ASXL3: variants seen among roughly 807,000 people sequenced by gnomAD.
ASXL3 encodes putative Polycomb group protein ASXL3.
Under a neutral mutation model 170.6 loss-of-function variants are expected in ASXL3, and 34 were observed. The ratio of observed to expected loss-of-function variants is 0.20; its 90% CI spans 0.15 to 0.27. ASXL3 has a LOEUF of 0.27. Ranked by LOEUF, ASXL3 falls within the 10% of genes least tolerant of loss-of-function variation. The pLI, the probability that ASXL3 is intolerant of heterozygous loss-of-function variation, is 1.00. For synonymous variants in ASXL3, 1,002 were observed against 989.1 expected (o/e 1.01, Z -0.24); for missense variants, 2,592 against 2,695.3 (o/e 0.96, Z 0.85).
chr18:33,701,771 A>C (rs945315253), intron 8 of ASXL3, among the ~76,000 whole-genome samples: 3 of 152,078 alleles, frequency 2.0e-5, no homozygotes, highest in African/African-American at 7.2e-5. Context: ...GCTGTTTTTC[A>C]TCAAATATAG....
intron 2 of ASXL3, among the ~76,000 whole-genome samples, chr18:33,622,266 A>G (rs2065527299): frequency 6.6e-6 from 1 of 152,314 alleles, no homozygotes; most frequent in Admixed American, 6.5e-5. Context: ...TGTCTTATTC[A>G]TCACATACAA....
intron 4 of ASXL3, among the ~76,000 whole-genome samples, chr18:33,655,229 C>A (rs1223703665): frequency 6.6e-6 from 1 of 151,946 alleles, no homozygotes; most frequent in Non-Finnish European, 1.5e-5. Flanking sequence ...ATTCAACATT[C>A]CTCTTGGTTT....
At chr18:33,714,006 A>G (rs1285044528) in intron 8 of ASXL3, among the ~76,000 whole-genome samples, 1 of 152,134 alleles carries the variant, frequency 6.6e-6, no homozygotes, top group East Asian at 1.9e-4. Context: ...AGTCATTTGT[A>G]TGGCATAAGA....
intron 2 of ASXL3, chr18:33,641,718 A>G (rs2065849525): frequency 6.6e-6 from 1 of 152,430 alleles, no homozygotes; most frequent in African/African-American, 2.4e-5. Context: ...GGTAAGATGA[A>G]GAATTGTGTT....
chr18:33,740,461 C>T lies in ASXL3; in HGVS notation c.3039+18C>T. 1.3e-6 allele frequency: 2 copies of T among 1,510,488 alleles called. No homozygotes were observed. The highest frequency in any genetic ancestry group is 2.8e-5 in the South Asian group (2 of 71,998). 93.6% of individuals were successfully genotyped at this position (1,510,488 alleles called of 1,614,324 possible). ...CTCTCAAGGTATGGTATTAAATAAA[C>T]AAAAGGCAATTCCGTAGATAGGCTT... On this transcript the variant is annotated intron_variant, in intron 11 of 11. Transcript: ENST00000269197.
chr18:33,601,323 A>G (rs2065180512), intron 1 of ASXL3, among the ~76,000 whole-genome samples: 1 of 151,816 alleles, frequency 6.6e-6, no homozygotes, highest in African/African-American at 2.4e-5. Context: ...TCATTGCTGT[A>G]GGCAGTCATT....
intron 8 of ASXL3, among the ~76,000 whole-genome samples, chr18:33,722,986 G>C (rs2067288032): frequency 6.6e-6 from 1 of 152,158 alleles, no homozygotes; most frequent in Non-Finnish European, 1.5e-5. Context: ...CAGCACATCT[G>C]TTTACAACAT....
intron 1 of ASXL3, among the ~76,000 whole-genome samples, chr18:33,599,215 AT>A (rs2065158845): frequency 1.3e-5 from 2 of 152,126 alleles, no homozygotes; most frequent in African/African-American, 4.8e-5. Context: ...AAATTAATTT[AT>A]TTTTGATAGG....
At chr18:33,697,775 G>A (rs1273787275) in intron 8 of ASXL3, among the ~76,000 whole-genome samples, 3 of 151,992 alleles carry the variant, frequency 2.0e-5, no homozygotes, top group Non-Finnish European at 4.4e-5. Context: ...AGGCCAAGGG[G>A]AAAGGATGAC....
chr18:33,742,988 G>A lies in ASXL3; in HGVS notation c.3140G>A (p.Arg1047Lys). 1.2e-6 allele frequency: 2 copies of A among 1,613,704 alleles called. No homozygotes were observed. Among genetic ancestry groups the A allele is most frequent in the African/African-American group, 1.3e-5 (1 of 75,028 alleles). Reference protein sequence around the residue: ...ASTSTSVSGGRNTGARTLADI... With the variant: ...ASTSTSVSGGKNTGARTLADI... ...ACTAGCACATCTGTCAGTGGCGGGA[G>A]GAACACAGGAGCCAGGACCCTCGCA... The change falls in exon 12 of 12, where the codon AGG becomes AAG. Residue 1047 changes from arginine to lysine, a missense_variant. This residue lies in a region of ASXL3 where 2,246 missense variants were observed against 2,219.6 expected (regional missense o/e 1.01). Coordinates refer to ENST00000269197, the MANE Select transcript of ASXL3 (RefSeq NM_030632.3).
rs557985620 is a variant in ASXL3 at position 33,644,203 on chromosome 18, A to G, written c.138-691A>G. On this transcript the variant is annotated intron_variant, in intron 2 of 11. Coordinates refer to ENST00000269197, the MANE Select transcript of ASXL3 (RefSeq NM_030632.3). Reference sequence around the variant, plus strand: ...CTTTAAAAAGTGATCTGATATTCCAATCACTTGCATGTTTACTACAGAATT... The same window carrying G: ...CTTTAAAAAGTGATCTGATATTCCAGTCACTTGCATGTTTACTACAGAATT... Among the ~76,000 whole-genome samples, 18 of 152,066 alleles carry G rather than the reference A, an allele frequency of 1.2e-4. No homozygotes were observed. The South Asian group carries it at 2.7e-3, about 23-fold the overall frequency.
intron 8 of ASXL3, among the ~76,000 whole-genome samples, chr18:33,726,900 G>C (rs957065545): frequency 6.6e-6 from 1 of 152,146 alleles, no homozygotes; most frequent in Non-Finnish European, 1.5e-5. Context: ...CTGCTCTCTA[G>C]CTCCAAGGGC....
chr18:33,696,762 G>A (rs2066779879), intron 8 of ASXL3, among the ~76,000 whole-genome samples: 1 of 152,098 alleles, frequency 6.6e-6, no homozygotes, highest in Non-Finnish European at 1.5e-5. Flanking sequence ...AATGTTTCCA[G>A]GCTGTGCTTG....
intron 8 of ASXL3, among the ~76,000 whole-genome samples, chr18:33,721,198 C>A (rs771338274): frequency 2.0e-5 from 3 of 152,034 alleles, no homozygotes; most frequent in Non-Finnish European, 4.4e-5. Flanking sequence ...GCCTCCCCAG[C>A]ATCTGATTGA....
rs533826275 is a variant in ASXL3 at position 33,606,162 on chromosome 18, C to T, written c.55-1432C>T. 2.6e-5 allele frequency among the ~76,000 whole-genome samples: 4 copies of T among 152,004 alleles called. No individual in the cohort carries two copies. The South Asian group carries it at 8.3e-4, about 32-fold the overall frequency. ...GCCTTTTTTCCAATATATTTATACT[C>T]CTCTTCCCTAAACAACTTTGCCTAT... is the stretch of plus-strand genomic sequence containing the variant. On this transcript the variant is annotated intron_variant, in intron 1 of 11. Transcript: ENST00000269197.
At chr18:33,606,178 C>A (rs938485239) in intron 1 of ASXL3, among the ~76,000 whole-genome samples, 1 of 151,936 alleles carries the variant, frequency 6.6e-6, no homozygotes, top group African/African-American at 2.4e-5. Context: ...CCCTAAACAA[C>A]TTTGCCTATG....
intron 8 of ASXL3, among the ~76,000 whole-genome samples, chr18:33,730,776 A>T (rs2067429416): frequency 6.6e-6 from 1 of 152,210 alleles, no homozygotes; most frequent in Non-Finnish European, 1.5e-5. Context: ...AGTGCCCTGC[A>T]CATAGGTTCA....
chr18:33,595,513 C>T (rs2065117904), intron 1 of ASXL3, among the ~76,000 whole-genome samples: 1 of 152,130 alleles, frequency 6.6e-6, no homozygotes, highest in Non-Finnish European at 1.5e-5. Context: ...AAACTTTGGT[C>T]ATCTAACCAA....
At chr18:33,720,086 G>A (rs1008615377) in intron 8 of ASXL3, among the ~76,000 whole-genome samples, 1 of 152,022 alleles carries the variant, frequency 6.6e-6, no homozygotes, top group Non-Finnish European at 1.5e-5. Flanking sequence ...ATATTACCAG[G>A]CTACAAGGGG....
Sources: allele counts gnomAD v4.1 joint callset (sites outside exome capture counted in the v4.1 genomes callset), GRCh38; gene constraint gnomAD v4.1.1; regional missense constraint gnomAD v4.1.1; transcripts MANE v1.5; gene names NCBI Gene and HGNC (gene_info 2026-07-23, HGNC 2026-07-21).